Variants in GTPBP4 observed in about 807,000 individuals in gnomAD.
The protein encoded by GTPBP4 is GTP-binding protein 4.
Under a neutral mutation model 81.7 loss-of-function variants are expected in GTPBP4, and 15 were observed. That is an observed-to-expected ratio of 0.18 (90% confidence interval 0.12 to 0.28). The LOEUF (loss-of-function observed/expected upper bound fraction) is 0.28, where lower values mean the gene tolerates loss of function less well. GTPBP4 is among the 10% of genes least tolerant of loss of function. The pLI is 1.00. For missense variants in GTPBP4, 847 were observed against 793.8 expected, an observed-to-expected ratio of 1.07 and a Z score of -0.81; for synonymous variants, 272 against 274.6, an observed-to-expected ratio of 0.99 and a Z score of 0.09.
Position 1,012,451 on chromosome 10 carries a change from C to T in GTPBP4, c.1345-14C>T. 1 of 1,578,096 alleles carries T rather than the reference C, an allele frequency of 6.3e-7. No homozygotes were observed. Among genetic ancestry groups the T allele is most frequent in the East Asian group, 2.2e-5 (1 of 44,606 alleles). ...CATTGTTAATTTTGCTTCATTACAA[C>T]TCCATTTTTAAAGAAATTGGAAGAA... On this transcript the variant is annotated splice_polypyrimidine_tract_variant and intron_variant, in intron 13 of 16. Coordinates refer to ENST00000360803, the MANE Select transcript of GTPBP4 (RefSeq NM_012341.3).
At chr10:998,869 T>C (rs11253559) in intron 5 of GTPBP4, 134 bp from the exon 6 acceptor site, 88,865 of 627,930 alleles carry the variant, frequency 0.14, 7,883 homozygotes, top group Non-Finnish European at 0.19. Flanking sequence ...ACCAGGCTCC[T>C]ATTCGATGCA....
Position 1,015,913 on chromosome 10 carries a change from T to C in GTPBP4, c.1752+17T>C. 11 of 1,592,726 alleles carry C rather than the reference T, an allele frequency of 6.9e-6. No homozygotes were observed. Among genetic ancestry groups the C allele is most frequent in the Non-Finnish European group, 9.4e-6 (11 of 1,166,010 alleles). On this transcript the variant is annotated intron_variant, in intron 16 of 16. Coordinates refer to ENST00000360803, the MANE Select transcript of GTPBP4 (RefSeq NM_012341.3). Reference sequence around the variant, plus strand: ...GATGTCAAGGTCAGTCTCTGTGTTGTGTAATGTAATAAAATGACAGTCTCT... The same window carrying C: ...GATGTCAAGGTCAGTCTCTGTGTTGCGTAATGTAATAAAATGACAGTCTCT...
chr10:993,692 C>A (rs1281761856), intron 2 of GTPBP4, among the ~76,000 whole-genome samples: 1 of 152,188 alleles, frequency 6.6e-6, no homozygotes, highest in Non-Finnish European at 1.5e-5. Flanking sequence ...AGTCTCAAAG[C>A]CTAAATCTGC....
At position 989,890 on chromosome 10, in the gene GTPBP4, C is replaced by T. The variant is rs370816709; in HGVS notation, c.48+1363C>T. On this transcript the variant is annotated intron_variant, in intron 1 of 16. Coordinates refer to ENST00000360803, the MANE Select transcript of GTPBP4 (RefSeq NM_012341.3). ...TAGCTGGGACTACAGGCATGCGCCA[C>T]CAGGCCTGGCTAATTTTTGTATTTT... is the stretch of plus-strand genomic sequence containing the variant. Among the ~76,000 whole-genome samples the T allele has an allele frequency of 1.9e-3, 294 of 152,252 alleles. 1 individual carries two copies. The highest frequency in any genetic ancestry group is 6.6e-3 in the African/African-American group (276 of 41,562).
rs749490233 is a variant in GTPBP4 at position 1,012,569 on chromosome 10, G to T, written c.1449G>T (p.Leu483=). ...EDEEMLEIRQ[L]AKQIREKKKL... The stretch of plus-strand genomic sequence containing the variant: ...AAGAGATGCTGGAAATCCGACAGCT[G>T]GCAAAGCAAATTCGAGAGAAAAAGA... Residue 483 remains leucine, a synonymous_variant, in exon 14 of 17, where the codon CTG becomes CTT. Coordinates refer to ENST00000360803, the MANE Select transcript of GTPBP4 (RefSeq NM_012341.3). 3 of 1,613,884 alleles carry T rather than the reference G, an allele frequency of 1.9e-6. No individual in the cohort carries two copies. The highest frequency in any genetic ancestry group is 2.2e-5 in the East Asian group (1 of 44,882).
Position 996,205 on chromosome 10 carries a change from C to A in GTPBP4, c.423C>A (p.Ile141=), listed in dbSNP as rs1485851141. The change falls in exon 4 of 17, where the codon ATC becomes ATA. Residue 141 remains isoleucine (I), a synonymous_variant. Transcript: ENST00000360803. The part of the protein sequence containing the change: ...RAALGRMCTV[I]KRQKQSLEYL... Reference sequence around the variant, plus strand: ...CCCTGGGACGGATGTGCACAGTGATCAAGAGGCAGAAGCAGAGTTTGGAGT... The same window carrying A: ...CCCTGGGACGGATGTGCACAGTGATAAAGAGGCAGAAGCAGAGTTTGGAGT... 6 of 1,613,864 alleles carry A rather than the reference C, an allele frequency of 3.7e-6. No homozygotes were observed. In the South Asian group the frequency reaches 6.6e-5, roughly 18 times the overall value.
rs540514061 is a variant in GTPBP4, at chr10:1,000,263, A to G, written c.655-414A>G. Among the ~76,000 whole-genome samples the G allele has an allele frequency of 4.6e-4, 42 of 91,426 alleles. No individual in the cohort carries two copies. The East Asian group carries it at 5.2e-3, about 11-fold the overall frequency. The allele number at this position is 91,426 out of a possible 152,430, so 60.0% of individuals were successfully genotyped here. Reference sequence around the variant, plus strand: ...TTTTTTTTTTTTTTTTTTTTTTGAGATGGAGTCTCTGTCACCCAGGCTGGA... The same window carrying G: ...TTTTTTTTTTTTTTTTTTTTTTGAGGTGGAGTCTCTGTCACCCAGGCTGGA... On this transcript the variant is annotated intron_variant, in intron 6 of 16. Coordinates refer to ENST00000360803, the MANE Select transcript of GTPBP4 (RefSeq NM_012341.3).
intron 4 of GTPBP4, 119 bp from the exon 5 acceptor site, chr10:997,089 C>T: frequency 2.8e-6 from 2 of 706,676 alleles, no homozygotes; most frequent in Non-Finnish European, 5.1e-6. Flanking sequence ...TTTTGCATTA[C>T]AAAAGTTGGA....
At chr10:1,012,176 C>T (rs1036959377) in intron 13 of GTPBP4, among the ~76,000 whole-genome samples, 9 of 152,108 alleles carry the variant, frequency 5.9e-5, no homozygotes, top group East Asian at 1.9e-4. Flanking sequence ...GTGAAGGAGG[C>T]GGTCTCTGCA....
At chr10:997,657 T>C (rs1425809795) in intron 5 of GTPBP4, among the ~76,000 whole-genome samples, 1 of 152,250 alleles carries the variant, frequency 6.6e-6, no homozygotes, top group African/African-American at 2.4e-5. Flanking sequence ...AAGTGCATTT[T>C]TGTTGACAAC....
chr10:1,002,230 C>T (rs2087873911), intron 8 of GTPBP4, among the ~76,000 whole-genome samples: 1 of 152,194 alleles, frequency 6.6e-6, no homozygotes, highest in African/African-American at 2.4e-5. Context: ...GCCTACAGTG[C>T]ACTTTAAATC....
intron 6 of GTPBP4, 99 bp from the exon 7 acceptor site, chr10:1,000,578 A>C: frequency 1.9e-6 from 1 of 526,702 alleles, no homozygotes; most frequent in Non-Finnish European, 3.1e-6. Context: ...CTGTAAGATT[A>C]TTAGGTCTGG....
In GTPBP4 at chr10:1,010,506, C is replaced by T; in HGVS notation, c.1330C>T (p.Pro444Ser). Residue 444 changes from proline to serine, a missense_variant, in exon 13 of 17, where the codon CCA (proline) becomes TCA (serine). Transcript: ENST00000360803. Reference protein sequence around the residue: ...EGHNIADYIDPAIMKKLEELE... With the variant: ...EGHNIADYIDSAIMKKLEELE... ...CCATAATATAGCTGATTATATTGAT[C>T]CAGCCATCATGAAGGTTTGTGTCAC... 1.3e-6 allele frequency: 2 copies of T among 1,523,534 alleles called. No homozygotes were observed. Among genetic ancestry groups the T allele is most frequent in the Non-Finnish European group, 1.8e-6 (2 of 1,097,430 alleles). The allele number at this position is 1,523,534 out of a possible 1,614,324, so 94.4% of individuals were successfully genotyped here. A position where few individuals can be genotyped will look rare whatever the true frequency, so the allele number is the denominator to read the frequency against.
intron 1 of GTPBP4, among the ~76,000 whole-genome samples, chr10:989,970 C>T (rs1370368012): frequency 1.3e-5 from 2 of 152,160 alleles, no homozygotes; most frequent in African/African-American, 4.8e-5. Context: ...CTCCTAATCT[C>T]AAGTGATTCA....
intron 6 of GTPBP4, among the ~76,000 whole-genome samples, chr10:1,000,066 A>G (rs935922201): frequency 1.6e-4 from 25 of 152,130 alleles, no homozygotes; most frequent in South Asian, 4.2e-4. Context: ...CAGTTATCCC[A>G]GTTTTTGTGT....
chr10:1,012,260 T>C, intron 13 of GTPBP4: 1 of 416,370 alleles, frequency 2.4e-6, no homozygotes, highest in East Asian at 4.1e-5. Flanking sequence ...TGCTGGCGGC[T>C]GGCGTTCACG....
At chr10:1,001,928 T>TA (rs1216759677) in intron 8 of GTPBP4, among the ~76,000 whole-genome samples, 12 of 114,044 alleles carry the variant, frequency 1.1e-4, no homozygotes, top group African/African-American at 3.5e-4. Context: ...TTATTTTATT[T>TA]TTGTTTTTTT....
At chr10:1,003,670 G>T (rs1398105686) in intron 8 of GTPBP4, among the ~76,000 whole-genome samples, 2 of 152,196 alleles carry the variant, frequency 1.3e-5, no homozygotes, top group Admixed American at 6.6e-5. Flanking sequence ...ATGAAATGTT[G>T]GCAATAACTG....
At chr10:994,995 G>A (rs1028452015) in intron 2 of GTPBP4, among the ~76,000 whole-genome samples, 12 of 152,188 alleles carry the variant, frequency 7.9e-5, no homozygotes, top group Non-Finnish European at 1.5e-5. Flanking sequence ...TGTCAGGCCT[G>A]TAGTCAAAGA....
Sources: allele counts gnomAD v4.1 joint callset (sites outside exome capture counted in the v4.1 genomes callset), GRCh38; gene constraint gnomAD v4.1.1; transcripts MANE v1.5; gene names NCBI Gene and HGNC (gene_info 2026-07-23, HGNC 2026-07-21).